Variants in FNBP1L observed in about 807,000 individuals in gnomAD.
FNBP1L encodes formin-binding protein 1-like.
FNBP1L carries 36 observed loss-of-function variants against 91.2 expected under a neutral mutation model. The observed-to-expected ratio is 0.39, with a 90% CI of 0.30 to 0.52. The LOEUF (loss-of-function observed/expected upper bound fraction) is 0.52, where lower values mean the gene tolerates loss of function less well. Ranked by LOEUF, FNBP1L falls within the 20% of genes least tolerant of loss-of-function variation. The probability of loss-of-function intolerance (pLI) is 0.66; values close to 1 mark genes in which losing one functional copy is unlikely to be tolerated. For synonymous variants in FNBP1L, 242 were observed against 237.0 expected, an observed-to-expected ratio of 1.02 and a Z score of -0.19; for missense variants, 571 against 732.1, an observed-to-expected ratio of 0.78 and a Z score of 2.54.
At chr1:93,450,193 T>C (rs1410507930) in intron 1 of FNBP1L, among the ~76,000 whole-genome samples, 1 of 152,162 alleles carries the variant, frequency 6.6e-6, no homozygotes, top group Non-Finnish European at 1.5e-5. Flanking sequence ...CTTATGGTAC[T>C]ACCTAAGGAA....
chr1:93,530,827 A>C lies in FNBP1L; in HGVS notation c.583A>C (p.Asn195His), dbSNP rs1268346283. Residue 195 changes from asparagine (N) to histidine (H), a missense_variant, in exon 7 of 17, where the codon AAC becomes CAC. This residue lies in a region of FNBP1L where 220 missense variants were observed against 313.6 expected (regional missense o/e 0.70). Transcript: ENST00000271234. ...AAATGAATATGCTGCACAATTACAAAACTTTAATGGAGAACAACATAAACA... is the reference window on the plus strand; with the variant it reads ...AAATGAATATGCTGCACAATTACAACACTTTAATGGAGAACAACATAAACA... The part of the protein sequence containing the change: ...NKNEYAAQLQ[N>H]FNGEQHKHFY... 1.3e-6 allele frequency: 2 copies of C among 1,566,186 alleles called. No individual in the cohort carries two copies. Among genetic ancestry groups the C allele is most frequent in the Admixed American group, 3.8e-5 (2 of 52,982 alleles).
rs1672442172 is a variant in FNBP1L, at chr1:93,552,398, C to T, written c.1811-11C>T. 6.2e-7 allele frequency: 1 copy of T among 1,611,434 alleles called. No individual in the cohort carries two copies. The highest frequency in any genetic ancestry group is 1.3e-5 in the African/African-American group (1 of 74,698). ...AGTAATTGTTCTTTTCTTTTTCCTC[C>T]TGGACTGCAGGTTCCTGAAGAGGGT... On this transcript the variant is annotated splice_polypyrimidine_tract_variant and intron_variant, in intron 16 of 16. Coordinates refer to ENST00000271234, the MANE Select transcript of FNBP1L (RefSeq NM_001164473.3).
chr1:93,458,260 A>T (rs187730562), intron 1 of FNBP1L, among the ~76,000 whole-genome samples: 1 of 152,254 alleles, frequency 6.6e-6, no homozygotes, highest in East Asian at 1.9e-4. Flanking sequence ...CAGGTTTTTG[A>T]GGAGGAAAAC....
chr1:93,551,543 G>T, intron 16 of FNBP1L: 1 of 985,706 alleles, frequency 1.0e-6, no homozygotes, highest in Non-Finnish European at 1.2e-6. Flanking sequence ...TCCCCAAAGA[G>T]TGGTTTCTTC....
chr1:93,506,563 AAT>A (rs1418735031), intron 2 of FNBP1L, among the ~76,000 whole-genome samples: 1 of 152,176 alleles, frequency 6.6e-6, no homozygotes, highest in African/African-American at 2.4e-5. Context: ...TCAGGTCTCT[AAT>A]ATTACCCTTT....
rs984385037 is a variant in FNBP1L at position 93,477,438 on chromosome 1, A to G, written c.25-22030A>G. 8.5e-5 allele frequency among the ~76,000 whole-genome samples: 13 copies of G among 152,352 alleles called. 1 individual carries two copies. The East Asian group carries it at 1.7e-3, about 20-fold the overall frequency. On this transcript the variant is annotated intron_variant, in intron 1 of 16. Transcript: ENST00000271234. ...CCTATTTAGATTTGTGTTACCACCA[A>G]CTAAGGTTTTTGTCTTAAATAGATG...
intron 1 of FNBP1L, among the ~76,000 whole-genome samples, chr1:93,478,254 T>C (rs992441947): frequency 6.6e-6 from 1 of 152,134 alleles, no homozygotes; most frequent in Non-Finnish European, 1.5e-5. Flanking sequence ...TATCAGAACC[T>C]GGGTCTTGAG....
chr1:93,459,969 GTGTGTGTGTT>G (rs1160904569), intron 1 of FNBP1L, among the ~76,000 whole-genome samples: 11 of 148,608 alleles, frequency 7.4e-5, no homozygotes, highest in African/African-American at 1.5e-4. Flanking sequence ...GTGTGTGTGT[GTGTGTGTGTT>G]TTTGGGATAT....
intron 2 of FNBP1L, among the ~76,000 whole-genome samples, chr1:93,511,706 C>G (rs530882787): frequency 2.5e-3 from 379 of 152,260 alleles, no homozygotes; most frequent in Non-Finnish European, 4.9e-3. Context: ...GTGGCTCACG[C>G]CTGTAATCCC....
intron 2 of FNBP1L, among the ~76,000 whole-genome samples, chr1:93,513,129 C>T (rs1350976995): frequency 3.9e-5 from 6 of 152,072 alleles, no homozygotes; most frequent in Non-Finnish European, 8.8e-5. Flanking sequence ...CATCAGAGAA[C>T]ACTACAAATA....
intron 2 of FNBP1L, among the ~76,000 whole-genome samples, chr1:93,503,216 G>A (rs930321247): frequency 2.6e-5 from 4 of 152,108 alleles, no homozygotes; most frequent in African/African-American, 9.7e-5. Flanking sequence ...TTATAATCAT[G>A]GTGGAAGGAG....
chr1:93,456,339 T>A (rs949519734), intron 1 of FNBP1L, among the ~76,000 whole-genome samples: 10 of 152,326 alleles, frequency 6.6e-5, no homozygotes, highest in African/African-American at 2.4e-4. Flanking sequence ...TACTAGTATT[T>A]GTATACTTGT....
rs138925877 is a variant in FNBP1L at position 93,456,476 on chromosome 1, T to G, written c.24+8171T>G. ...GCTGTGTCCTTGCTGCACACCCAATTTATAGAAAAGGAGCCAGGTGCAGCT... is the reference window on the plus strand; with the variant it reads ...GCTGTGTCCTTGCTGCACACCCAATGTATAGAAAAGGAGCCAGGTGCAGCT... On this transcript the variant is annotated intron_variant, in intron 1 of 16. Coordinates refer to ENST00000271234, the MANE Select transcript of FNBP1L (RefSeq NM_001164473.3). 3.3e-5 allele frequency among the ~76,000 whole-genome samples: 5 copies of G among 151,858 alleles called. No individual in the cohort carries two copies. The East Asian group carries it at 9.7e-4, about 29-fold the overall frequency.
At chr1:93,517,411 C>T (rs182769496) in intron 2 of FNBP1L, among the ~76,000 whole-genome samples, 9 of 152,182 alleles carry the variant, frequency 5.9e-5, no homozygotes, top group African/African-American at 1.2e-4. Flanking sequence ...ACTGCATCCT[C>T]GAACTCCTGG....
rs1258807865 is a variant in FNBP1L at position 93,553,588 on chromosome 1, G to A, written c.*1172G>A. 6.6e-6 allele frequency: 1 copy of A among 152,646 alleles called. No individual in the cohort carries two copies. Among genetic ancestry groups the A allele is most frequent in the East Asian group, 1.9e-4 (1 of 5,198 alleles). The allele number at this position is 152,646 out of a possible 1,614,324, so 9.5% of individuals were successfully genotyped here. A position where few individuals can be genotyped will look rare whatever the true frequency, so the allele number is the denominator to read the frequency against. On this transcript the variant is annotated 3_prime_UTR_variant, in exon 17 of 17. Transcript: ENST00000271234. Reference sequence around the variant, plus strand: ...ATTTTGGGTTATGACGATCATGTTTGATAATTACAATGATAGTCTCTTTCC... The same window carrying A: ...ATTTTGGGTTATGACGATCATGTTTAATAATTACAATGATAGTCTCTTTCC...
intron 1 of FNBP1L, among the ~76,000 whole-genome samples, chr1:93,467,007 C>T (rs2101693571): frequency 6.6e-6 from 1 of 152,260 alleles, no homozygotes; most frequent in South Asian, 2.1e-4. Context: ...CAGGTGTGCG[C>T]CACCATACCT....
chr1:93,504,160 T>A (rs1670529548), intron 2 of FNBP1L, among the ~76,000 whole-genome samples: 1 of 152,224 alleles, frequency 6.6e-6, no homozygotes. Context: ...GAATAAATAA[T>A]TAAATAATCT....
intron 2 of FNBP1L, among the ~76,000 whole-genome samples, chr1:93,521,577 C>T (rs1291290408): frequency 2.0e-5 from 3 of 152,268 alleles, no homozygotes; most frequent in East Asian, 3.9e-4. Flanking sequence ...CTACCCACAT[C>T]CTCCCCATAC....
At chr1:93,533,377 A>G (rs980899180) in intron 8 of FNBP1L, among the ~76,000 whole-genome samples, 3 of 152,142 alleles carry the variant, frequency 2.0e-5, no homozygotes, top group Admixed American at 6.5e-5. Context: ...ATATTAGTTT[A>G]GTGAAAATTT....
Sources: gnomAD v4.1 joint callset for allele counts (sites outside exome capture counted in the v4.1 genomes callset) on GRCh38, gnomAD v4.1.1 for gene constraint, gnomAD v4.1.1 regional missense constraint, MANE v1.5 for transcripts, NCBI Gene and HGNC (gene_info 2026-07-23, HGNC 2026-07-21) for gene names.